The following CFAP20DC variants were observed in gnomAD, a reference collection of about 807,000 sequenced individuals.
CFAP20DC encodes CFAP20 domain containing, also known as protein CFAP20DC.
In CFAP20DC, 84 loss-of-function variants were observed where a neutral mutation model predicts 101.7. That is an observed-to-expected ratio of 0.83 (90% CI 0.69 to 0.99). The LOEUF (loss-of-function observed/expected upper bound fraction) is 0.99. Ranked by LOEUF, CFAP20DC falls within the 50% of genes least tolerant of loss-of-function variation. The pLI is 0.00. For missense variants in CFAP20DC, 1,007 were observed against 970.3 expected, an observed-to-expected ratio of 1.04 and a Z score of -0.50; for synonymous variants, 359 against 351.2, an observed-to-expected ratio of 1.02 and a Z score of -0.25.
chr3:59,000,601 G>A (rs2093281001), intron 4 of CFAP20DC, among the ~76,000 whole-genome samples: 1 of 152,166 alleles, frequency 6.6e-6, no homozygotes. Flanking sequence ...AAATATTTCA[G>A]GGCCTGTCAA....
chr3:58,735,945 T>C (rs1287491882), intron 3 of CFAP20DC, among the ~76,000 whole-genome samples: 1 of 152,318 alleles, frequency 6.6e-6, no homozygotes, highest in Non-Finnish European at 1.5e-5. Context: ...TAGATTCTTA[T>C]GCTTAGCTAA....
At chr3:58,748,790 T>C (rs961385644) in intron 16 of CFAP20DC, among the ~76,000 whole-genome samples, 1 of 152,166 alleles carries the variant, frequency 6.6e-6, no homozygotes, top group African/African-American at 2.4e-5. Flanking sequence ...TCCACCTAAA[T>C]AGGGATTCTG....
At chr3:58,826,554 T>G (rs2076055109) in intron 14 of CFAP20DC, among the ~76,000 whole-genome samples, 1 of 152,156 alleles carries the variant, frequency 6.6e-6, no homozygotes, top group Non-Finnish European at 1.5e-5. Flanking sequence ...GAATATGCAG[T>G]GTTTGGTTTT....
At position 58,776,651 on chromosome 3, in the gene CFAP20DC, G is replaced by A. The variant is rs540837816; in HGVS notation, c.2238-22788C>T. The stretch of plus-strand genomic sequence containing the variant: ...GAACTACTCATTTCCCAGGTATCTC[G>A]TATGTATTACATACATATTTAAAAA... On this transcript the variant is annotated intron_variant, in intron 15 of 16. Coordinates refer to ENST00000482387, the MANE Select transcript of CFAP20DC (RefSeq NM_001394063.1). 4.2e-4 allele frequency among the ~76,000 whole-genome samples: 62 copies of A among 148,978 alleles called. 1 individual carries two copies. The highest frequency in any genetic ancestry group is 1.2e-3 in the African/African-American group (49 of 40,252).
Position 58,964,611 on chromosome 3 carries a change from G to C in CFAP20DC, c.279-26849C>G. On this transcript the variant is annotated intron_variant, in intron 4 of 16. Coordinates refer to ENST00000482387, the MANE Select transcript of CFAP20DC (RefSeq NM_001394063.1). This position sits in a 1 kb window ranked among gnomAD's most constrained non-coding sequence, Gnocchi z 4.1. The stretch of plus-strand genomic sequence containing the variant: ...AGTTCTCTTTTCTAGACTTATAAAT[G>C]CTGTGATTTTTAAGTTAACACCTAC... 6.6e-6 allele frequency among the ~76,000 whole-genome samples: 1 copy of C among 152,110 alleles called. No homozygotes were observed. Among genetic ancestry groups the C allele is most frequent in the African/African-American group, 2.4e-5 (1 of 41,424 alleles).
At chr3:58,886,460 TC>T (rs1487408142) in intron 6 of CFAP20DC, among the ~76,000 whole-genome samples, 4 of 152,000 alleles carry the variant, frequency 2.6e-5, no homozygotes, top group Non-Finnish European at 5.9e-5. Context: ...GTGTGGTGGC[TC>T]CAGTGTGTAA....
chr3:58,895,685 T>C (rs565730905), intron 6 of CFAP20DC, among the ~76,000 whole-genome samples: 11 of 152,326 alleles, frequency 7.2e-5, no homozygotes, highest in Admixed American at 2.6e-4. Flanking sequence ...CCCAACTCTA[T>C]TGGTACCAAT....
chr3:58,928,629 T>G (rs2086242240), intron 5 of CFAP20DC, among the ~76,000 whole-genome samples: 1 of 152,178 alleles, frequency 6.6e-6, no homozygotes, highest in African/African-American at 2.4e-5. Context: ...ATAGAGTAAT[T>G]AGAACATATT....
At position 59,049,741 on chromosome 3, in the gene CFAP20DC, G is replaced by A; in HGVS notation, c.-110C>T. On this transcript the variant is annotated 5_prime_UTR_variant, in exon 1 of 17. Coordinates refer to ENST00000482387, the MANE Select transcript of CFAP20DC (RefSeq NM_001394063.1). ...GCGGGAACCCAGGAGCCCGACGGGT[G>A]GGAAAGGGCTTCGTGCTTGGCCCAG... The A allele has an allele frequency of 7.5e-7, 1 of 1,338,858 alleles. No homozygotes were observed. Among genetic ancestry groups the A allele is most frequent in the African/African-American group, 1.5e-5 (1 of 68,928 alleles). 82.9% of individuals were successfully genotyped at this position (1,338,858 alleles called of 1,614,324 possible).
intron 15 of CFAP20DC, among the ~76,000 whole-genome samples, chr3:58,772,208 G>A (rs1386446871): frequency 6.6e-6 from 1 of 152,102 alleles, no homozygotes; most frequent in Non-Finnish European, 1.5e-5. Context: ...TTATTTTTAT[G>A]TGTCTCATAG....
chr3:58,808,625 GACC>G (rs1190145050), intron 14 of CFAP20DC, among the ~76,000 whole-genome samples: 40 of 152,226 alleles, frequency 2.6e-4, no homozygotes, highest in African/African-American at 9.1e-4. Context: ...AAATTGTAAA[GACC>G]ATCGAGGCTA....
intron 14 of CFAP20DC, among the ~76,000 whole-genome samples, chr3:58,823,041 A>G (rs944246432): frequency 2.6e-5 from 4 of 152,104 alleles, no homozygotes; most frequent in Non-Finnish European, 4.4e-5. Context: ...CCTTTGCCCA[A>G]TCATATTTCT....
chr3:58,987,015 A>G (rs1672858150), intron 4 of CFAP20DC, among the ~76,000 whole-genome samples: 1 of 152,160 alleles, frequency 6.6e-6, no homozygotes, highest in African/African-American at 2.4e-5. Context: ...TTTGAAAAAG[A>G]GCCAAATAGG....
chr3:58,884,785 C>A, intron 6 of CFAP20DC, 76 bp from the exon 7 acceptor site: 1 of 1,221,436 alleles, frequency 8.2e-7, no homozygotes, highest in Non-Finnish European at 1.2e-6. Flanking sequence ...TAAATGAAAT[C>A]AATTAAAATT....
chr3:58,779,056 A>C (rs2071597267), intron 15 of CFAP20DC, among the ~76,000 whole-genome samples: 1 of 152,216 alleles, frequency 6.6e-6, no homozygotes, highest in African/African-American at 2.4e-5. Context: ...CAGAAAACAT[A>C]AAAAAGTAAA....
chr3:59,045,787 A>G (rs774852327), intron 3 of CFAP20DC, among the ~76,000 whole-genome samples: 13 of 152,054 alleles, frequency 8.5e-5, no homozygotes, highest in Non-Finnish European at 1.9e-4. Context: ...TTTTCTCACA[A>G]ATTAATTTCT....
intron 7 of CFAP20DC, among the ~76,000 whole-genome samples, chr3:58,871,912 C>T (rs1319238649): frequency 6.6e-6 from 1 of 152,114 alleles, no homozygotes; most frequent in Non-Finnish European, 1.5e-5. Flanking sequence ...ATCCCCCATG[C>T]TCTCTATTCC....
chr3:58,817,336 T>A (rs1254789412), intron 14 of CFAP20DC, among the ~76,000 whole-genome samples: 1 of 152,198 alleles, frequency 6.6e-6, no homozygotes, highest in South Asian at 2.1e-4. Flanking sequence ...ACGATCAAAT[T>A]ACTCTGAGCT....
intron 15 of CFAP20DC, among the ~76,000 whole-genome samples, chr3:58,756,630 A>G (rs779089887): frequency 6.6e-6 from 1 of 152,028 alleles, no homozygotes; most frequent in Non-Finnish European, 1.5e-5. Flanking sequence ...GGTAAGAGTC[A>G]CATCCTCCTA....
Sources: gnomAD v4.1 joint callset for allele counts (sites outside exome capture counted in the v4.1 genomes callset) on GRCh38, gnomAD v4.1.1 for gene constraint, Gnocchi (gnomAD v3.1) non-coding constraint, MANE v1.5 for transcripts, NCBI Gene and HGNC (gene_info 2026-07-23, HGNC 2026-07-21) for gene names.